The following LINGO2 variants were observed in gnomAD, a reference collection of about 807,000 sequenced individuals.
The protein encoded by LINGO2 is leucine rich repeat and Ig domain containing 2, also known as leucine-rich repeat and immunoglobulin-like domain-containing nogo receptor-interacting protein 2.
A neutral mutation model predicts 30.6 loss-of-function variants in LINGO2; 14 were observed. That is an observed-to-expected ratio of 0.46 (90% CI 0.30 to 0.72). The LOEUF is 0.72. Among genes scored for constraint, LINGO2 ranks in the 30% least tolerant of loss-of-function variants. The pLI is 0.07. For synonymous variants in LINGO2, 317 were observed against 288.5 expected (o/e 1.10, Z -1.00); for missense variants, 729 against 751.7 (o/e 0.97, Z 0.35).
At chr9:28,366,476 G>T (rs1405007046) in intron 3 of LINGO2, among the ~76,000 whole-genome samples, 1 of 152,054 alleles carries the variant, frequency 6.6e-6, no homozygotes, top group Non-Finnish European at 1.5e-5. Context: ...AAGCCAAATT[G>T]CATCTCTCTT....
At chr9:29,104,067 G>A in the LINGO2 span, among the ~76,000 whole-genome samples, 6 of 151,982 alleles carry the variant, frequency 3.9e-5, no homozygotes, top group South Asian at 1.2e-3. Context: ...AATAACATTG[G>A]GCACAAAATT....
chr9:29,061,925 T>A, the LINGO2 span, among the ~76,000 whole-genome samples: 1 of 152,018 alleles, frequency 6.6e-6, no homozygotes, highest in Non-Finnish European at 1.5e-5. Context: ...AAGTCACATA[T>A]CTGATAGGAG....
chr9:28,278,478 A>C (rs1462258596), intron 4 of LINGO2, among the ~76,000 whole-genome samples: 1 of 152,176 alleles, frequency 6.6e-6, no homozygotes, highest in Non-Finnish European at 1.5e-5. Flanking sequence ...TGGTGACTTT[A>C]AGTTGAAGCC....
At chr9:29,144,461 A>G in the LINGO2 span, among the ~76,000 whole-genome samples, 9 of 152,224 alleles carry the variant, frequency 5.9e-5, no homozygotes, top group South Asian at 1.9e-3. Flanking sequence ...TATTTTGGAA[A>G]AAAAAATATA....
intron 4 of LINGO2, among the ~76,000 whole-genome samples, chr9:28,248,454 G>A (rs766922616): frequency 6.6e-6 from 1 of 152,192 alleles, no homozygotes; most frequent in African/African-American, 2.4e-5. Flanking sequence ...GTGGTCACCA[G>A]TGGTTGGAAT....
rs923126663 is a variant in LINGO2 at position 28,400,675 on chromosome 9, T to C, written c.-278-27807A>G. ...AACAAATAATTATCAAAGGTACCCA[T>C]GAACAAAGAAGAGTTGAGACAAAAG... On this transcript the variant is annotated intron_variant, in intron 2 of 5. Transcript: ENST00000379992. Among the ~76,000 whole-genome samples, 3 of 152,298 alleles carry C rather than the reference T, an allele frequency of 2.0e-5. No individual in the cohort carries two copies. The East Asian group carries it at 5.8e-4, about 29-fold the overall frequency.
chr9:28,131,085 T>C (rs1827366216), intron 4 of LINGO2, among the ~76,000 whole-genome samples: 1 of 151,982 alleles, frequency 6.6e-6, no homozygotes, highest in South Asian at 2.1e-4. Flanking sequence ...AAAAATAAGT[T>C]TTTTCTCTGC....
the LINGO2 span, among the ~76,000 whole-genome samples, chr9:28,969,499 A>C: frequency 6.6e-6 from 1 of 152,232 alleles, no homozygotes; most frequent in Non-Finnish European, 1.5e-5. Context: ...AGAAATCATT[A>C]GATGTTTTTG....
chr9:28,613,820 CAAG>C (rs1218723061), intron 1 of LINGO2, among the ~76,000 whole-genome samples: 2 of 152,064 alleles, frequency 1.3e-5, no homozygotes, highest in African/African-American at 4.8e-5. Context: ...CAGCCACAGA[CAAG>C]AAGTTTATGG....
At chr9:28,158,697 G>C (rs2133587272) in intron 4 of LINGO2, among the ~76,000 whole-genome samples, 1 of 152,292 alleles carries the variant, frequency 6.6e-6, no homozygotes, top group African/African-American at 2.4e-5. Flanking sequence ...ACAAGAGGGG[G>C]TTGCCTTTCC....
chr9:28,762,079 C>T, the LINGO2 span, among the ~76,000 whole-genome samples: 1 of 152,034 alleles, frequency 6.6e-6, no homozygotes, highest in African/African-American at 2.4e-5. Context: ...ATTCTATTTC[C>T]CTAACACATA....
At chr9:28,572,641 A>T (rs994516368) in intron 1 of LINGO2, among the ~76,000 whole-genome samples, 5 of 152,046 alleles carry the variant, frequency 3.3e-5, no homozygotes, top group African/African-American at 1.2e-4. Flanking sequence ...GGAAATGGAG[A>T]CATCTTCCTT....
chr9:28,375,764 G>A (rs1178048138), intron 2 of LINGO2, among the ~76,000 whole-genome samples: 2 of 152,152 alleles, frequency 1.3e-5, no homozygotes, highest in African/African-American at 2.4e-5. Flanking sequence ...AGTCTTAAAC[G>A]GGAAATTTGC....
the LINGO2 span, among the ~76,000 whole-genome samples, chr9:29,039,799 T>C: frequency 6.6e-5 from 10 of 152,056 alleles, no homozygotes; most frequent in African/African-American, 1.9e-4. Context: ...TGATCCAAGA[T>C]GGGTAATAGC....
chr9:28,533,121 A>G (rs1192339100), intron 1 of LINGO2, among the ~76,000 whole-genome samples: 1 of 152,012 alleles, frequency 6.6e-6, no homozygotes, highest in Non-Finnish European at 1.5e-5. Flanking sequence ...CACGGCTAGA[A>G]TAAGGCAAGC....
At chr9:28,862,354 G>A in the LINGO2 span, among the ~76,000 whole-genome samples, 1 of 133,032 alleles carries the variant, frequency 7.5e-6, no homozygotes, top group South Asian at 2.6e-4. Flanking sequence ...AATTAAATTA[G>A]AGTAGCAAGA....
intron 4 of LINGO2, among the ~76,000 whole-genome samples, chr9:28,103,272 T>TGTGCTGTG (rs1563976249): frequency 6.6e-6 from 1 of 152,172 alleles, no homozygotes; most frequent in East Asian, 1.9e-4. Flanking sequence ...TTTATTTACA[T>TGTGCTGTG]GTGCTGTGTT....
At chr9:27,949,744 G>A (rs1329891686) in exon 6 of LINGO2, 3 of 1,614,122 alleles carry the variant, frequency 1.9e-6, no homozygotes, top group Non-Finnish European at 2.5e-6. Flanking sequence ...TCAATGGTGC[G>A]AAGCTGGGCC....
intron 3 of LINGO2, among the ~76,000 whole-genome samples, chr9:28,363,272 C>T (rs903359148): frequency 6.6e-5 from 10 of 152,140 alleles, no homozygotes; most frequent in African/African-American, 2.4e-4. Flanking sequence ...GTGAAACAGC[C>T]ATGACATATA....
Sources: allele counts gnomAD v4.1 joint callset (sites outside exome capture counted in the v4.1 genomes callset), GRCh38; gene constraint gnomAD v4.1.1; transcripts MANE v1.5; gene names NCBI Gene and HGNC (gene_info 2026-07-23, HGNC 2026-07-21).